Variants in SNX29 observed in about 807,000 individuals in gnomAD.
The protein encoded by SNX29 is sorting nexin 29.
A neutral mutation model predicts 102.1 loss-of-function variants in SNX29; 78 were observed. That is an observed-to-expected ratio of 0.76 (90% CI 0.64 to 0.92). SNX29 has a LOEUF of 0.92. SNX29 is among the 40% of genes least tolerant of loss of function. SNX29 has a pLI of 0.00. For missense variants in SNX29, 1,280 were observed against 1,061.7 expected (o/e 1.21, Z -2.86); for synonymous variants, 580 against 414.5 (o/e 1.40, Z -4.85).
intron 18 of SNX29, among the ~76,000 whole-genome samples, chr16:12,470,862 A>T (rs2087303644): frequency 2.0e-5 from 3 of 152,334 alleles, no homozygotes; most frequent in South Asian, 4.1e-4. Flanking sequence ...AACAGCTGCC[A>T]TTGCTTATTG....
At chr16:12,565,331 G>C (rs1017403979) in intron 20 of SNX29, among the ~76,000 whole-genome samples, 7 of 152,166 alleles carry the variant, frequency 4.6e-5, no homozygotes, top group Non-Finnish European at 7.3e-5. Flanking sequence ...TCAGCAGTCT[G>C]GGTTTTCCAT....
At chr16:12,065,772 C>T (rs560843597) in intron 9 of SNX29, among the ~76,000 whole-genome samples, 1 of 152,142 alleles carries the variant, frequency 6.6e-6, no homozygotes, top group Non-Finnish European at 1.5e-5. Context: ...TTTCTTTATT[C>T]AGTCTTCCCA....
chr16:12,436,566 C>T (rs1217860027), intron 18 of SNX29, among the ~76,000 whole-genome samples: 2 of 152,248 alleles, frequency 1.3e-5, no homozygotes, highest in Non-Finnish European at 2.9e-5. Context: ...GGCTGAGGGG[C>T]CTCTCTGAGC....
chr16:12,039,283 A>G (rs1265202818), intron 4 of SNX29, among the ~76,000 whole-genome samples: 7 of 151,738 alleles, frequency 4.6e-5, no homozygotes, highest in Non-Finnish European at 8.8e-5. Context: ...TACCCCAGTA[A>G]CCCTGGGCGA....
Position 12,572,576 on chromosome 16 carries a change from T to TG in SNX29, c.*3948dup. 9.4e-7 allele frequency: 1 copy of TG among 1,064,062 alleles called. No homozygotes were observed. The highest frequency in any genetic ancestry group is 1.6e-5 in the African/African-American group (1 of 61,088). The allele number at this position is 1,064,062 out of a possible 1,614,324, so 65.9% of individuals were successfully genotyped here. A position where few individuals can be genotyped will look rare whatever the true frequency, so the allele number is the denominator to read the frequency against. On this transcript the variant is annotated 3_prime_UTR_variant, in exon 21 of 21. Transcript: ENST00000566228. Reference sequence around the variant, plus strand: ...GGCTCCTCACAGGGAGGTCCAGCCATGTTCTCTGGGCTCCCAGTGAGCCCC... The same window carrying TG: ...GGCTCCTCACAGGGAGGTCCAGCCATGGTTCTCTGGGCTCCCAGTGAGCCCC...
chr16:12,535,116 G>A (rs768010939), intron 20 of SNX29, among the ~76,000 whole-genome samples: 9 of 152,274 alleles, frequency 5.9e-5, no homozygotes, highest in African/African-American at 1.7e-4. Flanking sequence ...TTTAGCACCC[G>A]CCAGGGTCCA....
intron 14 of SNX29, among the ~76,000 whole-genome samples, chr16:12,202,315 A>G (rs2076933060): frequency 6.6e-6 from 1 of 152,016 alleles, no homozygotes; most frequent in African/African-American, 2.4e-5. Flanking sequence ...GGGTGGCTTC[A>G]TTATCTAATG....
rs144447808 is a variant in SNX29, at chr16:12,556,007, C to A, written c.2319-12499C>A. On this transcript the variant is annotated intron_variant, in intron 20 of 20. Coordinates refer to ENST00000566228, the MANE Select transcript of SNX29 (RefSeq NM_032167.5). The stretch of plus-strand genomic sequence containing the variant: ...TCAAGTGTTTTTTTTGTTCACTTGT[C>A]CTGTGGACTCATGCCATGCCACCGT... Among the ~76,000 whole-genome samples the A allele has an allele frequency of 6.8e-4, 103 of 152,248 alleles. 2 individuals carry two copies. The South Asian group carries it at 0.012, about 18-fold the overall frequency.
chr16:12,491,701 C>T (rs1245339617), intron 19 of SNX29, among the ~76,000 whole-genome samples: 4 of 152,008 alleles, frequency 2.6e-5, no homozygotes, highest in African/African-American at 9.7e-5. Context: ...CACAACAGTC[C>T]CCGGTGTGTG....
intron 13 of SNX29, among the ~76,000 whole-genome samples, chr16:12,140,008 A>G (rs888619397): frequency 2.1e-4 from 31 of 145,038 alleles, no homozygotes; most frequent in African/African-American, 7.7e-4. Flanking sequence ...AAAAAAAGGA[A>G]AAGGAATCTT....
intron 14 of SNX29, among the ~76,000 whole-genome samples, chr16:12,251,896 A>G (rs2142390081): frequency 6.6e-6 from 1 of 152,260 alleles, no homozygotes; most frequent in South Asian, 2.1e-4. Context: ...AGTAGCTAGA[A>G]CTATAGGTGT....
At chr16:12,545,581 C>G (rs2301219) in intron 20 of SNX29, 17,602 of 152,234 alleles carry the variant, frequency 0.12, 1,325 homozygotes, top group Non-Finnish European at 0.16. Flanking sequence ...TGGAGGAACC[C>G]ATTTCCTCTG....
At chr16:12,557,285 C>G (rs549321262) in intron 20 of SNX29, 1 of 152,160 alleles carries the variant, frequency 6.6e-6, no homozygotes, top group Non-Finnish European at 1.5e-5. Flanking sequence ...GCAGAAGAGA[C>G]CTGGGACCCT....
chr16:12,395,660 A>G (rs942749796), intron 16 of SNX29, among the ~76,000 whole-genome samples: 2 of 152,186 alleles, frequency 1.3e-5, no homozygotes, highest in African/African-American at 4.8e-5. Context: ...AGGGTAAACT[A>G]AAGAGAAATC....
At chr16:12,471,094 T>C (rs6498309) in intron 18 of SNX29, among the ~76,000 whole-genome samples, 100,015 of 151,978 alleles carry the variant, frequency 0.66, 34,187 homozygotes, top group African/African-American at 0.85. Context: ...ACCCGAGATC[T>C]GACATGCTTT....
At chr16:12,535,411 C>T (rs2077047374) in intron 20 of SNX29, among the ~76,000 whole-genome samples, 1 of 152,224 alleles carries the variant, frequency 6.6e-6, no homozygotes, top group South Asian at 2.1e-4. Flanking sequence ...GCTGGGATTA[C>T]ATGAGCCACT....
intron 1 of SNX29, among the ~76,000 whole-genome samples, chr16:11,994,638 G>A (rs2055988061): frequency 6.6e-6 from 1 of 152,194 alleles, no homozygotes; most frequent in African/African-American, 2.4e-5. Flanking sequence ...CTTTGTCAAG[G>A]ATTAAATAGG....
chr16:12,084,941 G>C (rs1009173865), intron 11 of SNX29, among the ~76,000 whole-genome samples: 2 of 152,166 alleles, frequency 1.3e-5, no homozygotes, highest in African/African-American at 4.8e-5. Context: ...ATGGTGGTGC[G>C]TACCTGTATT....
chr16:12,305,178 A>C (rs1030210212), intron 15 of SNX29, among the ~76,000 whole-genome samples: 6 of 152,242 alleles, frequency 3.9e-5, no homozygotes, highest in African/African-American at 1.4e-4. Context: ...CTGTGTATAT[A>C]TAGGTCTTTT....
Sources: gnomAD v4.1 joint callset for allele counts (sites outside exome capture counted in the v4.1 genomes callset) on GRCh38, gnomAD v4.1.1 for gene constraint, MANE v1.5 for transcripts, NCBI Gene and HGNC (gene_info 2026-07-23, HGNC 2026-07-21) for gene names.